H2AZ2: variants seen among roughly 807,000 people sequenced by gnomAD.
H2AZ2 encodes histone H2A.V.
In H2AZ2, 5 loss-of-function variants were observed where a neutral mutation model predicts 15.5. The observed-to-expected ratio is 0.32, with a 90% CI of 0.17 to 0.68. H2AZ2 has a LOEUF of 0.68. Among genes scored for constraint, H2AZ2 ranks in the 30% least tolerant of loss-of-function variants. The pLI is 0.72. For missense variants in H2AZ2, 42 were observed against 162.5 expected (o/e 0.26, Z 4.03); for synonymous variants, 44 against 57.4 (o/e 0.77, Z 1.05).
downstream of H2AZ2, chr7:44,827,107 A>C (rs1032677132): frequency 6.6e-6 from 1 of 152,224 alleles, no homozygotes; most frequent in African/African-American, 2.4e-5. Context: ...TGCGAAAAAA[A>C]GTGTGGGAAT....
At chr7:44,847,083 G>C (rs893054857) in intron 1 of H2AZ2, among the ~76,000 whole-genome samples, 1 of 152,184 alleles carries the variant, frequency 6.6e-6, no homozygotes, top group Non-Finnish European at 1.5e-5. Context: ...TAACTTTTAA[G>C]CAGGTAGCTC....
intron 3 of H2AZ2, among the ~76,000 whole-genome samples, chr7:44,837,433 G>GAAA (rs71011996): frequency 2.3e-5 from 2 of 87,270 alleles, no homozygotes; most frequent in Admixed American, 1.6e-4. Context: ...AAAAAAAAAA[G>GAAA]AAAAAAAAAA....
At chr7:44,839,869 G>A (rs1793229289) in intron 3 of H2AZ2, among the ~76,000 whole-genome samples, 1 of 151,282 alleles carries the variant, frequency 6.6e-6, no homozygotes, top group African/African-American at 2.4e-5. Flanking sequence ...CGGGTGTAGT[G>A]GCGGGTGCCT....
intron 1 of H2AZ2, among the ~76,000 whole-genome samples, chr7:44,845,030 T>C (rs1192145512): frequency 6.6e-6 from 1 of 152,216 alleles, no homozygotes; most frequent in Non-Finnish European, 1.5e-5. Flanking sequence ...TTTACAAGAT[T>C]GGCTGTTTGA....
intron 3 of H2AZ2, among the ~76,000 whole-genome samples, chr7:44,838,135 C>A (rs1793176036): frequency 6.6e-6 from 1 of 151,818 alleles, no homozygotes; most frequent in East Asian, 2.0e-4. Flanking sequence ...CCACCATGCC[C>A]AGCTAATTTT....
At chr7:44,830,344 C>T (rs186260882), downstream of H2AZ2, among the ~76,000 whole-genome samples, 1 of 152,280 alleles carries the variant, frequency 6.6e-6, no homozygotes, top group Admixed American at 6.5e-5. Flanking sequence ...TGAAAATTTT[C>T]ATAATGTCAG....
downstream of H2AZ2, chr7:44,830,219 G>A (rs1194948414): frequency 6.5e-7 from 1 of 1,537,532 alleles, no homozygotes; most frequent in Non-Finnish European, 9.0e-7. Context: ...AATAAATAAG[G>A]GCCATCTCAT....
intron 1 of H2AZ2, 89 bp from the exon 2 acceptor site, chr7:44,843,443 CT>C: frequency 2.3e-6 from 2 of 851,884 alleles, no homozygotes; most frequent in Non-Finnish European, 3.8e-6. Flanking sequence ...TCTAGTTTTA[CT>C]TTAGGTAGTT....
intron 1 of H2AZ2, among the ~76,000 whole-genome samples, chr7:44,846,062 C>CACACACACACACAG (rs57468916): frequency 7.6e-4 from 57 of 75,142 alleles, no homozygotes; most frequent in African/African-American, 2.3e-3. Context: ...CACACACACA[C>CACACACACACACAG]AGAGAGAGAC....
chr7:44,842,099 T>C (rs139526787), intron 2 of H2AZ2, among the ~76,000 whole-genome samples: 6 of 152,324 alleles, frequency 3.9e-5, no homozygotes, highest in Non-Finnish European at 8.8e-5. Flanking sequence ...ACCAAAAGCT[T>C]CTTAAGGGCA....
chr7:44,831,931 T>C (rs1056041296), downstream of H2AZ2, among the ~76,000 whole-genome samples: 1 of 152,094 alleles, frequency 6.6e-6, no homozygotes. Context: ...GGAGCATATA[T>C]CACCTATGAA....
At chr7:44,827,722 C>A (rs764181084), downstream of H2AZ2, 1 of 152,114 alleles carries the variant, frequency 6.6e-6, no homozygotes, top group Non-Finnish European at 1.5e-5. Context: ...CAGGGCCATG[C>A]CACCAGGGAG....
chr7:44,834,120 C>T lies in H2AZ2; in HGVS notation c.*381G>A. 1 of 934,300 alleles carries T rather than the reference C, an allele frequency of 1.1e-6. No individual in the cohort carries two copies. Among genetic ancestry groups the T allele is most frequent in the Non-Finnish European group, 1.3e-6 (1 of 778,458 alleles). The allele number at this position is 934,300 out of a possible 1,614,324, so 57.9% of individuals were successfully genotyped here. On this transcript the variant is annotated 3_prime_UTR_variant, in exon 5 of 5. Coordinates refer to ENST00000308153, the MANE Select transcript of H2AZ2 (RefSeq NM_012412.5). Reference sequence around the variant, plus strand: ...ATCAATCATTGTAAAGATATATTCCCAATTTCTGTTCTAAGGTTACTCTGA... The same window carrying T: ...ATCAATCATTGTAAAGATATATTCCTAATTTCTGTTCTAAGGTTACTCTGA...
chr7:44,848,044 C>T lies in H2AZ2; in HGVS notation c.-73G>A, dbSNP rs1793462222. ...GCCGACCCGCGCCGCCGCCGCCGCT[C>T]TCGCAGCACCGACCGCCGCCGCCGG... On this transcript the variant is annotated 5_prime_UTR_variant, in exon 1 of 5. Transcript: ENST00000308153. 3 of 1,006,552 alleles carry T rather than the reference C, an allele frequency of 3.0e-6. No individual in the cohort carries two copies. Among genetic ancestry groups the T allele is most frequent in the Non-Finnish European group, 3.8e-6 (3 of 781,316 alleles). The allele number at this position is 1,006,552 out of a possible 1,614,324, so 62.4% of individuals were successfully genotyped here.
In H2AZ2 at chr7:44,847,882, G is replaced by A. The variant is rs1793453879; in HGVS notation, c.3+87C>T. 18 of 1,521,072 alleles carry A rather than the reference G, an allele frequency of 1.2e-5. No individual in the cohort carries two copies. In the East Asian group the frequency reaches 2.2e-4, roughly 18 times the overall value. The allele number at this position is 1,521,072 out of a possible 1,614,324, so 94.2% of individuals were successfully genotyped here. ...GAAGCCCAGACACCCGCAAACTCCC[G>A]ACTCCACAGGTAGCGGCGCCGACGC... On this transcript the variant is annotated intron_variant, in intron 1 of 4. Coordinates refer to ENST00000308153, the MANE Select transcript of H2AZ2 (RefSeq NM_012412.5).
At position 44,841,919 on chromosome 7, in the gene H2AZ2, G is replaced by A. The variant is rs150523992; in HGVS notation, c.82-907C>T. The stretch of plus-strand genomic sequence containing the variant: ...GAAAACTGCTTCCAGTTACAGTCTA[G>A]ACAGTCTCTTTCCAAAGACTGAATT... On this transcript the variant is annotated intron_variant, in intron 2 of 4. Transcript: ENST00000308153. Among the ~76,000 whole-genome samples the A allele has an allele frequency of 3.8e-3, 580 of 152,296 alleles. 6 individuals are homozygous for A. The highest frequency in any genetic ancestry group is 0.013 in the African/African-American group (556 of 41,552).
intron 1 of H2AZ2, among the ~76,000 whole-genome samples, chr7:44,847,605 T>C (rs1247084083): frequency 6.6e-6 from 1 of 152,196 alleles, no homozygotes; most frequent in Non-Finnish European, 1.5e-5. Flanking sequence ...GCAGCCTGTT[T>C]GACCTCATTC....
At chr7:44,841,720 T>C (rs1305649902) in intron 2 of H2AZ2, among the ~76,000 whole-genome samples, 1 of 152,124 alleles carries the variant, frequency 6.6e-6, no homozygotes, top group African/African-American at 2.4e-5. Context: ...CTGTCCACCT[T>C]AGCCTCCCAA....
chr7:44,841,119 C>T (rs1341885767), intron 2 of H2AZ2, 107 bp from the exon 3 acceptor site: 7 of 800,658 alleles, frequency 8.7e-6, no homozygotes, highest in African/African-American at 1.7e-5. Context: ...AACTTGATCA[C>T]ACATATCAGA....
Sources: allele counts gnomAD v4.1 joint callset (sites outside exome capture counted in the v4.1 genomes callset), GRCh38; gene constraint gnomAD v4.1.1; transcripts MANE v1.5; gene names NCBI Gene and HGNC (gene_info 2026-07-23, HGNC 2026-07-21).